Variants in SLCO1C1 observed in about 807,000 individuals in gnomAD.
SLCO1C1 encodes OAT-RP-5.
Under a neutral mutation model 76.4 loss-of-function variants are expected in SLCO1C1, and 70 were observed. The ratio of observed to expected loss-of-function variants is 0.92; its 90% CI spans 0.76 to 1.12. SLCO1C1 has a LOEUF of 1.12. Ranked by LOEUF, SLCO1C1 falls within the 50% of genes most tolerant of loss-of-function variation. The probability of loss-of-function intolerance (pLI) is 0.00; values close to 1 mark genes in which losing one functional copy is unlikely to be tolerated. For missense variants in SLCO1C1, 912 were observed against 823.8 expected, an observed-to-expected ratio of 1.11 and a Z score of -1.31; for synonymous variants, 306 against 286.1, an observed-to-expected ratio of 1.07 and a Z score of -0.70.
At chr12:20,707,311 C>T (rs1453689303) in intron 4 of SLCO1C1, among the ~76,000 whole-genome samples, 2 of 151,982 alleles carry the variant, frequency 1.3e-5, no homozygotes, top group South Asian at 2.1e-4. Context: ...AATGGGTCTC[C>T]AACCTGCCTA....
intron 3 of SLCO1C1, among the ~76,000 whole-genome samples, 172 bp from the exon 4 acceptor site, chr12:20,705,777 G>A (rs887398915): frequency 6.6e-6 from 1 of 151,950 alleles, no homozygotes; most frequent in Admixed American, 6.6e-5. Context: ...TTGAAGTAAT[G>A]AACATGAGAA....
intron 9 of SLCO1C1, among the ~76,000 whole-genome samples, chr12:20,727,275 A>C (rs1458747195): frequency 6.6e-6 from 1 of 152,314 alleles, no homozygotes; most frequent in East Asian, 1.9e-4. Context: ...AGAAATATCC[A>C]AACTGTTCTC....
intron 12 of SLCO1C1, among the ~76,000 whole-genome samples, chr12:20,742,705 T>TA (rs1228284251): frequency 1.9e-5 from 1 of 53,226 alleles, no homozygotes; most frequent in African/African-American, 3.3e-5. Flanking sequence ...AGCTAATTTT[T>TA]TTTTTTTTTT....
chr12:20,711,547 TAA>T, intron 5 of SLCO1C1, 37 bp downstream of exon 5: 1 of 1,594,840 alleles, frequency 6.3e-7, no homozygotes, highest in Non-Finnish European at 8.5e-7. Flanking sequence ...AACAAGCTTT[TAA>T]AAAAAAGACT....
intron 1 of SLCO1C1, among the ~76,000 whole-genome samples, chr12:20,698,927 T>C (rs1395623328): frequency 1.3e-5 from 2 of 152,012 alleles, no homozygotes; most frequent in Non-Finnish European, 2.9e-5. Context: ...GGCTGTCTTT[T>C]TTACTTTAAG....
chr12:20,708,687 T>C (rs1288585891), intron 4 of SLCO1C1, among the ~76,000 whole-genome samples: 1 of 152,192 alleles, frequency 6.6e-6, no homozygotes, highest in East Asian at 1.9e-4. Flanking sequence ...ATGGATGACC[T>C]GCAAGGAGGC....
In SLCO1C1 at chr12:20,717,146, G is replaced by A; in HGVS notation, c.691G>A (p.Val231Ile). Reference protein sequence around the residue: ...AAFYIGCVQTVAIIGPIFGFL... With the variant: ...AAFYIGCVQTIAIIGPIFGFL... ...TCTTGGTGCAGGGTGTGTGCAGACG[G>A]TTGCAATTATAGGACCAATCTTTGG... Residue 231 changes from valine to isoleucine, a missense_variant, in exon 7 of 15, where the codon GTT (valine) becomes ATT (isoleucine). Physicochemically the swap from Val to Ile is conservative, Grantham distance 29. Transcript: ENST00000266509. 1 of 1,601,490 alleles carries A rather than the reference G, an allele frequency of 6.2e-7. No homozygotes were observed.
At chr12:20,710,080 A>T (rs1341778293) in intron 4 of SLCO1C1, among the ~76,000 whole-genome samples, 1 of 151,992 alleles carries the variant, frequency 6.6e-6, no homozygotes, top group Non-Finnish European at 1.5e-5. Flanking sequence ...GGGGTTCATG[A>T]ACCCATTGAG....
At position 20,701,471 on chromosome 12, in the gene SLCO1C1, A is replaced by G. The variant is rs776199621; in HGVS notation, c.271+12A>G. 3 of 1,457,992 alleles carry G rather than the reference A, an allele frequency of 2.1e-6. No individual in the cohort carries two copies. In the East Asian group the frequency reaches 7.3e-5, roughly 36 times the overall value. The allele number at this position is 1,457,992 out of a possible 1,614,324, so 90.3% of individuals were successfully genotyped here. The stretch of plus-strand genomic sequence containing the variant: ...TAGTTTTGAAATTGGTAGGTATTAC[A>G]GATGCCTGACTTTAATTTTAAGCCC... On this transcript the variant is annotated intron_variant, in intron 3 of 14. Coordinates refer to ENST00000266509, the MANE Select transcript of SLCO1C1 (RefSeq NM_017435.5).
intron 13 of SLCO1C1, among the ~76,000 whole-genome samples, chr12:20,745,913 A>C (rs1949022770): frequency 6.6e-6 from 1 of 152,196 alleles, no homozygotes; most frequent in South Asian, 2.1e-4. Context: ...TAATTTTAAA[A>C]TAATGTGTAT....
At chr12:20,737,431 A>C (rs1948602635) in intron 11 of SLCO1C1, among the ~76,000 whole-genome samples, 159 bp downstream of exon 11, 1 of 152,158 alleles carries the variant, frequency 6.6e-6, no homozygotes, top group Non-Finnish European at 1.5e-5. Context: ...AACCATTCCT[A>C]GTGGTACTGG....
intron 10 of SLCO1C1, among the ~76,000 whole-genome samples, chr12:20,734,512 C>T (rs1279863979): frequency 6.6e-6 from 1 of 152,128 alleles, no homozygotes; most frequent in Non-Finnish European, 1.5e-5. Context: ...TTCCAAAACA[C>T]CTTAACTTTC....
In SLCO1C1 at chr12:20,724,443, ATATATATATGTGTG is replaced by A. The variant is rs1947849707; in HGVS notation, c.1186+1191_1186+1204del. On this transcript the variant is annotated intron_variant, in intron 9 of 14. Coordinates refer to ENST00000266509, the MANE Select transcript of SLCO1C1 (RefSeq NM_017435.5). ...TATATATATATATATATATATATAT[ATATATATATGTGTG>A]TGTGTGTGTGTGTGTGTGTGTCACA... 7.0e-5 allele frequency among the ~76,000 whole-genome samples: 7 copies of A among 99,418 alleles called. No homozygotes were observed. The South Asian group carries it at 2.0e-3, about 28-fold the overall frequency. 65.2% of individuals were successfully genotyped at this position (99,418 alleles called of 152,430 possible).
rs898862195 is a variant in SLCO1C1, at chr12:20,753,115, T to A, written c.*587T>A. 3 of 152,192 alleles carry A rather than the reference T, an allele frequency of 2.0e-5. No homozygotes were observed. The highest frequency in any genetic ancestry group is 7.2e-5 in the African/African-American group (3 of 41,440). 9.4% of individuals were successfully genotyped at this position (152,192 alleles called of 1,614,324 possible). A position where few individuals can be genotyped will look rare whatever the true frequency, so the allele number is the denominator to read the frequency against. On this transcript the variant is annotated 3_prime_UTR_variant, in exon 15 of 15. Transcript: ENST00000266509. The stretch of plus-strand genomic sequence containing the variant: ...CAGCAAATTATATTGGGGATTAGAA[T>A]TTTGAATTAATAGCTCTCCTACTAT...
Position 20,743,389 on chromosome 12 carries a change from T to C in SLCO1C1, c.1798+20T>C. On this transcript the variant is annotated intron_variant, in intron 13 of 14. Coordinates refer to ENST00000266509, the MANE Select transcript of SLCO1C1 (RefSeq NM_017435.5). Reference sequence around the variant, plus strand: ...TTCTTGGTAAGTTTAACCTATGCTTTAATTTATGGTAGACACCGTAAGTGT... The same window carrying C: ...TTCTTGGTAAGTTTAACCTATGCTTCAATTTATGGTAGACACCGTAAGTGT... The C allele has an allele frequency of 6.3e-7, 1 of 1,578,652 alleles. No individual in the cohort carries two copies. Among genetic ancestry groups the C allele is most frequent in the Non-Finnish European group, 8.7e-7 (1 of 1,149,534 alleles).
chr12:20,697,832 T>G (rs1946334505), intron 1 of SLCO1C1, among the ~76,000 whole-genome samples: 1 of 152,032 alleles, frequency 6.6e-6, no homozygotes, highest in Non-Finnish European at 1.5e-5. Flanking sequence ...AAGTTTTCCT[T>G]TCTGTGCTAT....
chr12:20,707,706 T>C (rs3794270), intron 4 of SLCO1C1, among the ~76,000 whole-genome samples: 6,501 of 152,286 alleles, frequency 0.043, 235 homozygotes, highest in African/African-American at 0.091. Context: ...TTTTAGCTAA[T>C]TAAGCCACCT....
intron 11 of SLCO1C1, among the ~76,000 whole-genome samples, chr12:20,738,897 G>A (rs960724811): frequency 1.3e-5 from 2 of 152,060 alleles, no homozygotes; most frequent in South Asian, 2.1e-4. Flanking sequence ...AGATTCAAAG[G>A]TTTCAACTTG....
Position 20,752,568 on chromosome 12 carries a change from C to T in SLCO1C1, c.*40C>T, listed in dbSNP as rs1277130711. On this transcript the variant is annotated 3_prime_UTR_variant, in exon 15 of 15. Transcript: ENST00000266509. ...GAAGTCATGTCTTCTAATTGGTTGA[C>T]ATTTTGCAAACAAATAAATTGTAAT... 1 of 1,467,142 alleles carries T rather than the reference C, an allele frequency of 6.8e-7. No individual in the cohort carries two copies. Among genetic ancestry groups the T allele is most frequent in the East Asian group, 2.3e-5 (1 of 43,522 alleles). 90.9% of individuals were successfully genotyped at this position (1,467,142 alleles called of 1,614,324 possible). A position where few individuals can be genotyped will look rare whatever the true frequency, so the allele number is the denominator to read the frequency against.
Sources: allele counts gnomAD v4.1 joint callset (sites outside exome capture counted in the v4.1 genomes callset), GRCh38; gene constraint gnomAD v4.1.1; transcripts MANE v1.5; gene names NCBI Gene and HGNC (gene_info 2026-07-23, HGNC 2026-07-21).